Variants in SRL observed in about 807,000 individuals in gnomAD.
SRL encodes sarcalumenin.
A neutral mutation model predicts 39.5 loss-of-function variants in SRL; 23 were observed. The ratio of observed to expected loss-of-function variants is 0.58; its 90% confidence interval spans 0.42 to 0.82. The LOEUF (loss-of-function observed/expected upper bound fraction) is 0.82. Ranked by LOEUF, SRL falls within the 40% of genes least tolerant of loss-of-function variation. The pLI, the probability that SRL is intolerant of heterozygous loss-of-function variation, is 0.00. For synonymous variants in SRL, 272 were observed against 237.4 expected (o/e 1.15, Z -1.34); for missense variants, 592 against 607.8 (o/e 0.97, Z 0.27).
intron 1 of SRL, among the ~76,000 whole-genome samples, chr16:4,235,864 G>A (rs543505438): frequency 8.5e-5 from 13 of 152,122 alleles, no homozygotes; most frequent in African/African-American, 2.4e-4. Flanking sequence ...CGAGGTGAGC[G>A]GATCTCGAGG....
chr16:4,232,639 C>T (rs1268732617), intron 1 of SRL, among the ~76,000 whole-genome samples: 2 of 152,114 alleles, frequency 1.3e-5, no homozygotes, highest in Admixed American at 6.5e-5. Context: ...GCCTCCCAAG[C>T]AGCTGGGACC....
chr16:4,224,357 G>A (rs571797312), intron 1 of SRL, among the ~76,000 whole-genome samples: 2 of 152,044 alleles, frequency 1.3e-5, no homozygotes, highest in Non-Finnish European at 2.9e-5. Flanking sequence ...GTCACACAGT[G>A]GGAGGAATTC....
chr16:4,231,925 C>G (rs1044391715), intron 1 of SRL, among the ~76,000 whole-genome samples: 7 of 152,188 alleles, frequency 4.6e-5, no homozygotes, highest in African/African-American at 1.7e-4. Context: ...CACGAAACAG[C>G]CCCATGCTGG....
At position 4,214,864 on chromosome 16, in the gene SRL, T is replaced by A. The variant is rs890091577; in HGVS notation, c.62-10230A>T. On this transcript the variant is annotated intron_variant, in intron 1 of 5. Transcript: ENST00000399609. Reference sequence around the variant, plus strand: ...CTCACTGCAACCTCTGCCTCCTGGGTTCAAGCGATTCTCCTGCCTCAGCCT... The same window carrying A: ...CTCACTGCAACCTCTGCCTCCTGGGATCAAGCGATTCTCCTGCCTCAGCCT... 4.6e-5 allele frequency among the ~76,000 whole-genome samples: 7 copies of A among 151,764 alleles called. No homozygotes were observed. The South Asian group carries it at 1.5e-3, about 32-fold the overall frequency.
At chr16:4,222,363 C>T (rs991867709) in intron 1 of SRL, among the ~76,000 whole-genome samples, 5 of 152,230 alleles carry the variant, frequency 3.3e-5, no homozygotes, top group Non-Finnish European at 7.3e-5. Flanking sequence ...CAACCTCCAC[C>T]TCCTGGGTTC....
chr16:4,226,083 T>A (rs946238745), intron 1 of SRL, among the ~76,000 whole-genome samples: 4 of 152,206 alleles, frequency 2.6e-5, no homozygotes, highest in African/African-American at 9.6e-5. Context: ...TCTGCTCCAA[T>A]GTCACCAGCT....
At chr16:4,228,231 G>C (rs2052613648) in intron 1 of SRL, among the ~76,000 whole-genome samples, 1 of 152,204 alleles carries the variant, frequency 6.6e-6, no homozygotes, top group African/African-American at 2.4e-5. Context: ...GAGGTCAGGA[G>C]TTCAAGATCA....
intron 1 of SRL, among the ~76,000 whole-genome samples, chr16:4,218,588 T>A (rs1041510551): frequency 3.9e-5 from 6 of 152,212 alleles, no homozygotes; most frequent in African/African-American, 1.4e-4. Flanking sequence ...GATGTCTCCA[T>A]GGCTTTGAAG....
chr16:4,192,023 A>G lies in SRL; in HGVS notation c.*130T>C, dbSNP rs899280856. 32 of 1,065,654 alleles carry G rather than the reference A, an allele frequency of 3.0e-5. No individual in the cohort carries two copies. In the Admixed American group the frequency reaches 3.4e-4, roughly 11 times the overall value. 66.0% of individuals were successfully genotyped at this position (1,065,654 alleles called of 1,614,324 possible). A position where few individuals can be genotyped will look rare whatever the true frequency, so the allele number is the denominator to read the frequency against. ...ACACCTGCCCCGACCCCTGGCCTCA[A>G]TGAACTCCCAACTCTCCACTGTGTA... On this transcript the variant is annotated 3_prime_UTR_variant, in exon 6 of 6. Coordinates refer to ENST00000399609, the MANE Select transcript of SRL (RefSeq NM_001098814.2). The surrounding 1 kb of genome is among the most constrained non-coding windows in gnomAD (Gnocchi z 4.0).
chr16:4,230,202 G>T (rs2141066117), intron 1 of SRL, among the ~76,000 whole-genome samples: 1 of 152,136 alleles, frequency 6.6e-6, no homozygotes, highest in Admixed American at 6.5e-5. Context: ...CAACACACTT[G>T]CCCGGGTGTG....
intron 1 of SRL, among the ~76,000 whole-genome samples, chr16:4,233,785 C>T (rs913617921): frequency 3.9e-5 from 6 of 152,130 alleles, no homozygotes; most frequent in Non-Finnish European, 2.9e-5. Context: ...CTGCTCCCTG[C>T]AGTCTCTGAG....
intron 5 of SRL, among the ~76,000 whole-genome samples, chr16:4,194,904 T>C (rs1225303475): frequency 6.6e-6 from 1 of 151,968 alleles, no homozygotes; most frequent in African/African-American, 2.4e-5. Context: ...TCTTCCTTTT[T>C]TTTTTTCTGA....
chr16:4,207,361 C>G, intron 1 of SRL: 1 of 456,776 alleles, frequency 2.2e-6, no homozygotes, highest in Non-Finnish European at 4.4e-6. Flanking sequence ...GGGCCGGGCT[C>G]CCCCTGGTCC....
intron 1 of SRL, among the ~76,000 whole-genome samples, chr16:4,204,977 A>T (rs960440333): frequency 6.6e-6 from 1 of 152,004 alleles, no homozygotes; most frequent in Non-Finnish European, 1.5e-5. Flanking sequence ...AACAGGCACA[A>T]CTCCTTAGGC....
In SRL at chr16:4,211,855, G is replaced by A. The variant is rs116130413; in HGVS notation, c.62-7221C>T. On this transcript the variant is annotated intron_variant, in intron 1 of 5. Coordinates refer to ENST00000399609, the MANE Select transcript of SRL (RefSeq NM_001098814.2). The stretch of plus-strand genomic sequence containing the variant: ...TGATGATGATGATGGTGATGACGAC[G>A]ATGACGACGATGGTGATGATGGTGA... Among the ~76,000 whole-genome samples, 546 of 152,248 alleles carry A rather than the reference G, an allele frequency of 3.6e-3. 2 individuals carry two copies. Among genetic ancestry groups the A allele is most frequent in the African/African-American group, 0.012 (478 of 41,538 alleles).
rs879733542 is a variant in SRL at position 4,204,709 on chromosome 16, C to T, written c.62-75G>A. The stretch of plus-strand genomic sequence containing the variant: ...GAGCTCTGGGCCCCGGCACAGCAGA[C>T]GAGGGCTGGGCCTCAAGCAGGGGCT... On this transcript the variant is annotated intron_variant, in intron 1 of 5. Transcript: ENST00000399609. 1.4e-4 allele frequency: 192 copies of T among 1,361,044 alleles called. 1 individual carries two copies. In the Admixed American group the frequency reaches 3.2e-3, roughly 22 times the overall value. 84.3% of individuals were successfully genotyped at this position (1,361,044 alleles called of 1,614,324 possible).
chr16:4,196,320 C>A (rs530817770), intron 4 of SRL, among the ~76,000 whole-genome samples: 42 of 152,214 alleles, frequency 2.8e-4, no homozygotes, highest in Non-Finnish European at 5.9e-5. Context: ...CACATTCACC[C>A]TGTTGTGCAA....
chr16:4,220,173 G>A (rs1350878582), intron 1 of SRL, among the ~76,000 whole-genome samples: 2 of 152,038 alleles, frequency 1.3e-5, no homozygotes, highest in South Asian at 2.1e-4. Flanking sequence ...TAGGCCAGGT[G>A]TGGAGGCTCA....
rs116440003 is a variant in SRL, at chr16:4,241,776, C to T, written c.61+231G>A. Among the ~76,000 whole-genome samples, 377 of 152,328 alleles carry T rather than the reference C, an allele frequency of 2.5e-3. 3 individuals carry two copies. Among genetic ancestry groups the T allele is most frequent in the African/African-American group, 8.5e-3 (353 of 41,566 alleles). ...TCACAGCTCAGCTCTGTTTGCCGTT[C>T]CCACTTCCTCTGGCCTTCCTGAGGG... On this transcript the variant is annotated intron_variant, in intron 1 of 5. Coordinates refer to ENST00000399609, the MANE Select transcript of SRL (RefSeq NM_001098814.2).
Sources: gnomAD v4.1 joint callset for allele counts (sites outside exome capture counted in the v4.1 genomes callset) on GRCh38, gnomAD v4.1.1 for gene constraint, Gnocchi (gnomAD v3.1) non-coding constraint, MANE v1.5 for transcripts, NCBI Gene and HGNC (gene_info 2026-07-23, HGNC 2026-07-21) for gene names.